PSME4: variants seen among roughly 807,000 people sequenced by gnomAD.
PSME4 encodes proteasome activator complex subunit 4.
In PSME4, 89 loss-of-function variants were observed where a neutral mutation model predicts 253.9. The ratio of observed to expected loss-of-function variants is 0.35; its 90% CI spans 0.30 to 0.42. PSME4 has a LOEUF of 0.42. Ranked by LOEUF, PSME4 falls within the 10% of genes least tolerant of loss-of-function variation. The probability of loss-of-function intolerance (pLI) is 1.00; values close to 1 mark genes in which losing one functional copy is unlikely to be tolerated. For missense variants in PSME4, 2,014 were observed against 2,195.2 expected (o/e 0.92, Z 1.65); for synonymous variants, 851 against 759.2 (o/e 1.12, Z -1.99).
At chr2:53,961,145 T>C (rs1670480252) in intron 1 of PSME4, among the ~76,000 whole-genome samples, 1 of 152,046 alleles carries the variant, frequency 6.6e-6, no homozygotes, top group Non-Finnish European at 1.5e-5. Context: ...GTAAACCAAA[T>C]ACAGAAGTAG....
chr2:53,932,528 T>C (rs1415195716), intron 9 of PSME4, 140 bp downstream of exon 9: 2 of 689,354 alleles, frequency 2.9e-6, no homozygotes, highest in Non-Finnish European at 5.0e-6. Context: ...CACAGTAATT[T>C]AATTTAAATG....
chr2:53,908,711 T>A, intron 22 of PSME4, 73 bp downstream of exon 22: 1 of 1,449,054 alleles, frequency 6.9e-7, no homozygotes, highest in East Asian at 2.3e-5. Context: ...AGTAAACACA[T>A]GCATGTTATA....
chr2:53,947,836 C>T (rs976417342), intron 3 of PSME4, among the ~76,000 whole-genome samples: 2 of 151,726 alleles, frequency 1.3e-5, no homozygotes, highest in East Asian at 2.0e-4. Flanking sequence ...GCCAACATGG[C>T]GAAACCCCAT....
intron 20 of PSME4, among the ~76,000 whole-genome samples, chr2:53,913,751 T>A (rs899144977): frequency 1.4e-4 from 22 of 152,378 alleles, no homozygotes; most frequent in African/African-American, 5.3e-4. Context: ...AAATCTTATA[T>A]GTTGCTAGAT....
In PSME4 at chr2:53,936,153, T is replaced by C. The variant is rs1322005543; in HGVS notation, c.768A>G (p.Val256=). The C allele has an allele frequency of 1.2e-6, 2 of 1,613,594 alleles. No individual in the cohort carries two copies. The highest frequency in any genetic ancestry group is 1.7e-6 in the Non-Finnish European group (2 of 1,179,762). ...CTGTAGCCAATCGAGCAAAGAGATT[T>C]ACTAGTTGCTGAAAGTAAACAAAAA... ...QNLPQWEGQL[V]NLFARLATDN... Residue 256 remains valine (V), a synonymous_variant, in exon 7 of 47, where the codon GTA becomes GTG. Transcript: ENST00000404125.
chr2:53,946,151 T>C (rs930441727), intron 3 of PSME4, among the ~76,000 whole-genome samples: 23 of 152,204 alleles, frequency 1.5e-4, no homozygotes, highest in African/African-American at 5.1e-4. Context: ...TAGATACTTA[T>C]TAATGACCAC....
chr2:53,908,124 T>A (rs781729199), intron 24 of PSME4, 196 bp downstream of exon 24: 13 of 536,864 alleles, frequency 2.4e-5, no homozygotes, highest in Non-Finnish European at 3.6e-5. Context: ...AGGCAGAAGA[T>A]TCTGTATAAG....
In PSME4 at chr2:53,970,758, G is replaced by A; in HGVS notation, c.27C>T (p.Val9=). 11 of 1,544,434 alleles carry A rather than the reference G, an allele frequency of 7.1e-6. No homozygotes were observed. The highest frequency in any genetic ancestry group is 9.6e-6 in the Non-Finnish European group (11 of 1,144,956). MEPAERAG[V]GEPPEPGGRP... is the part of the protein sequence containing the mutation. ...GCCCGCCCGGCTCCGGGGGCTCTCC[G>A]ACTCCCGCCCGCTCGGCCGGCTCCA... The change falls in exon 1 of 47, where the codon GTC becomes GTT. Residue 9 remains valine (V), a synonymous_variant. Transcript: ENST00000404125.
At chr2:53,867,503 A>G (rs990448858) in intron 44 of PSME4, among the ~76,000 whole-genome samples, 10 of 111,886 alleles carry the variant, frequency 8.9e-5, no homozygotes, top group Non-Finnish European at 1.5e-4. Context: ...CGTCTCAAGG[A>G]AAAAAAAAAA....
intron 20 of PSME4, 57 bp from the exon 21 acceptor site, chr2:53,910,187 G>C (rs768088022): frequency 9.9e-6 from 14 of 1,416,522 alleles, no homozygotes; most frequent in Non-Finnish European, 1.4e-5. Flanking sequence ...AAGTATTAAA[G>C]GGAAAAGTTT....
chr2:53,931,781 G>C (rs567480625), intron 10 of PSME4, 54 bp downstream of exon 10: 2 of 1,583,122 alleles, frequency 1.3e-6, no homozygotes, highest in Non-Finnish European at 1.7e-6. Flanking sequence ...GAATCGAGCT[G>C]AACAGACCAA....
chr2:53,888,755 A>G lies in PSME4; in HGVS notation c.4354T>C (p.Leu1452=), dbSNP rs754153162. 7 of 1,612,540 alleles carry G rather than the reference A, an allele frequency of 4.3e-6. No individual in the cohort carries two copies. Among genetic ancestry groups the G allele is most frequent in the African/African-American group, 2.7e-5 (2 of 74,918 alleles). The change falls in exon 38 of 47, where the codon TTG becomes CTG. Residue 1452 remains leucine (L), a synonymous_variant. Coordinates refer to ENST00000404125, the MANE Select transcript of PSME4 (RefSeq NM_014614.3). ...WLFELLLESP[L]SGEGGSFVDA... is the part of the protein sequence containing the mutation. The stretch of plus-strand genomic sequence containing the variant: ...ACAAAGGATCCTCCTTCACCACTCA[A>G]TGGTGATTCCAACAGCAGTTCAAAA...
intron 20 of PSME4, among the ~76,000 whole-genome samples, chr2:53,912,189 T>A (rs1219555223): frequency 6.6e-6 from 1 of 150,758 alleles, no homozygotes; most frequent in African/African-American, 2.4e-5. Context: ...ATTAGCCAGA[T>A]GAGAAATCTA....
chr2:53,867,669 C>CAAA (rs35848517), intron 44 of PSME4, among the ~76,000 whole-genome samples: 19 of 98,520 alleles, frequency 1.9e-4, no homozygotes, highest in Admixed American at 1.8e-3. Context: ...GACCTTACCT[C>CAAA]AAAAAAAAAA....
At chr2:53,923,491 A>G (rs1668418381) in intron 14 of PSME4, 72 bp from the exon 15 acceptor site, 2 of 1,452,246 alleles carry the variant, frequency 1.4e-6, no homozygotes, top group Non-Finnish European at 9.1e-7. Context: ...ATAAAAGAAA[A>G]TGATAAATAT....
At chr2:53,868,952 A>G (rs1369414496) in intron 44 of PSME4, among the ~76,000 whole-genome samples, 2 of 152,116 alleles carry the variant, frequency 1.3e-5, no homozygotes, top group Non-Finnish European at 2.9e-5. Context: ...CCCTCTCACC[A>G]AAGGACTAAT....
chr2:53,970,133 A>T (rs1670983180), intron 1 of PSME4, among the ~76,000 whole-genome samples: 1 of 152,162 alleles, frequency 6.6e-6, no homozygotes, highest in African/African-American at 2.4e-5. Context: ...GGAAGCAAGG[A>T]GACAAGTCAA....
Position 53,937,278 on chromosome 2 carries a change from C to T in PSME4, c.695+113G>A, listed in dbSNP as rs1237180599. 6.7e-6 allele frequency: 7 copies of T among 1,037,428 alleles called. No individual in the cohort carries two copies. In the South Asian group the frequency reaches 1.1e-4, roughly 17 times the overall value. The allele number at this position is 1,037,428 out of a possible 1,614,324, so 64.3% of individuals were successfully genotyped here. A position where few individuals can be genotyped will look rare whatever the true frequency, so the allele number is the denominator to read the frequency against. Reference sequence around the variant, plus strand: ...CTTCAAGTATAATAAACTTGAAGTACAATAATGGCTGAACTTGCAAAATGA... The same window carrying T: ...CTTCAAGTATAATAAACTTGAAGTATAATAATGGCTGAACTTGCAAAATGA... On this transcript the variant is annotated intron_variant, in intron 5 of 46. Coordinates refer to ENST00000404125, the MANE Select transcript of PSME4 (RefSeq NM_014614.3).
chr2:53,923,258 T>C (rs1297002587), intron 15 of PSME4, 63 bp downstream of exon 15: 16 of 1,518,206 alleles, frequency 1.1e-5, no homozygotes, highest in Non-Finnish European at 1.3e-5. Flanking sequence ...CCTCTAATAA[T>C]TAACCATATA....
Sources: gnomAD v4.1 joint callset for allele counts (sites outside exome capture counted in the v4.1 genomes callset) on GRCh38, gnomAD v4.1.1 for gene constraint, MANE v1.5 for transcripts, NCBI Gene and HGNC (gene_info 2026-07-23, HGNC 2026-07-21) for gene names.